Variants in DAB1 observed in about 807,000 individuals in gnomAD.
DAB1 encodes DAB adaptor protein 1.
A neutral mutation model predicts 64.6 loss-of-function variants in DAB1; 15 were observed. The ratio of observed to expected loss-of-function variants is 0.23; its 90% CI spans 0.16 to 0.36. The LOEUF (loss-of-function observed/expected upper bound fraction) is 0.36. DAB1 is among the 10% of genes least tolerant of loss of function. DAB1 has a pLI of 1.00. For missense variants in DAB1, 596 were observed against 706.7 expected (o/e 0.84, Z 1.78); for synonymous variants, 235 against 251.9 (o/e 0.93, Z 0.64).
chr1:57,276,628 A>G (rs573570832), intron 2 of DAB1, among the ~76,000 whole-genome samples: 1 of 152,314 alleles, frequency 6.6e-6, no homozygotes, highest in Admixed American at 6.5e-5. Context: ...ACGGGAGGAT[A>G]GGGTAGGATT....
At chr1:58,158,679 A>C (rs1004237835) in intron 4 of DAB1, among the ~76,000 whole-genome samples, 9 of 152,212 alleles carry the variant, frequency 5.9e-5, no homozygotes, top group African/African-American at 2.2e-4. Context: ...ACACAGTCAG[A>C]CAGAGGTCTG....
intron 12 of DAB1, among the ~76,000 whole-genome samples, chr1:57,011,905 T>G (rs1294915978): frequency 6.6e-6 from 1 of 152,202 alleles, no homozygotes; most frequent in Non-Finnish European, 1.5e-5. Flanking sequence ...TAAACACATG[T>G]TGAATAAAGA....
intron 9 of DAB1, chr1:57,033,495 G>C (rs1335834531): frequency 2.2e-5 from 36 of 1,612,642 alleles, no homozygotes; most frequent in Non-Finnish European, 2.8e-5. Flanking sequence ...ACATGAAACA[G>C]TTAACCAGAG....
At chr1:58,394,602 T>A (rs577987206) in intron 3 of DAB1, among the ~76,000 whole-genome samples, 1 of 152,316 alleles carries the variant, frequency 6.6e-6, no homozygotes, top group Non-Finnish European at 1.5e-5. Flanking sequence ...TTGCTGATAC[T>A]TGTAACAACA....
chr1:58,183,602 A>C (rs2100208427), intron 4 of DAB1, among the ~76,000 whole-genome samples: 1 of 152,064 alleles, frequency 6.6e-6, no homozygotes, highest in South Asian at 2.1e-4. Flanking sequence ...ACACACTTAA[A>C]ATCAATCCTG....
intron 7 of DAB1, among the ~76,000 whole-genome samples, chr1:57,587,043 T>C (rs1406697109): frequency 2.0e-5 from 3 of 152,220 alleles, no homozygotes; most frequent in Non-Finnish European, 2.9e-5. Flanking sequence ...CTCCTCTTTA[T>C]GCTAGAATGC....
chr1:57,507,705 A>C (rs1292497580), intron 7 of DAB1, among the ~76,000 whole-genome samples: 1 of 152,196 alleles, frequency 6.6e-6, no homozygotes, highest in Non-Finnish European at 1.5e-5. Context: ...AAGCCTCCAC[A>C]GTTCCTTTCG....
intron 2 of DAB1, among the ~76,000 whole-genome samples, chr1:57,169,828 T>A (rs1661560003): frequency 6.6e-6 from 1 of 152,076 alleles, no homozygotes; most frequent in African/African-American, 2.4e-5. Context: ...AACTGACTCC[T>A]ACCCTGCTCC....
chr1:57,273,079 C>T (rs1671143046), intron 2 of DAB1, among the ~76,000 whole-genome samples: 1 of 152,166 alleles, frequency 6.6e-6, no homozygotes, highest in Non-Finnish European at 1.5e-5. Context: ...ATTTGCACCA[C>T]CTTTTAACCC....
intron 1 of DAB1, among the ~76,000 whole-genome samples, chr1:57,310,920 T>C (rs1674646363): frequency 6.6e-6 from 1 of 151,702 alleles, no homozygotes; most frequent in Non-Finnish European, 1.5e-5. Flanking sequence ...TGTGTGAGCC[T>C]AGGAATTTGA....
At chr1:57,276,762 C>T (rs1276261604) in intron 2 of DAB1, among the ~76,000 whole-genome samples, 1 of 152,226 alleles carries the variant, frequency 6.6e-6, no homozygotes, top group African/African-American at 2.4e-5. Context: ...CTCACAACCT[C>T]TGGGAAGTCC....
intron 3 of DAB1, among the ~76,000 whole-genome samples, chr1:58,392,583 T>C (rs547071777): frequency 6.6e-6 from 1 of 151,944 alleles, no homozygotes; most frequent in Non-Finnish European, 1.5e-5. Context: ...GTCTCTCCCA[T>C]ACTAAAAAAG....
chr1:58,335,907 T>G (rs1446838184), intron 4 of DAB1, among the ~76,000 whole-genome samples: 1 of 152,182 alleles, frequency 6.6e-6, no homozygotes, highest in Non-Finnish European at 1.5e-5. Flanking sequence ...TTGGCTGCAT[T>G]ACCTACAAGG....
chr1:57,910,479 A>AT lies in DAB1; in HGVS notation n.388-26318dup, dbSNP rs201079495. 4.4e-4 allele frequency among the ~76,000 whole-genome samples: 67 copies of AT among 151,252 alleles called. No homozygotes were observed. The East Asian group carries it at 8.8e-3, about 20-fold the overall frequency. On this transcript the variant is annotated intron_variant and non_coding_transcript_variant, in intron 5 of 20. Transcript: ENST00000485760. ...CTGGCAAGCACATACTTTCTTTTCT[A>AT]TTTTTTTTTCCACTTTCTATTTTAA...
chr1:57,879,357 G>T (rs955220171), intron 1 of DAB1, among the ~76,000 whole-genome samples: 1 of 152,150 alleles, frequency 6.6e-6, no homozygotes, highest in African/African-American at 2.4e-5. Flanking sequence ...GCCACATGTT[G>T]AAGATGATGG....
intron 6 of DAB1, among the ~76,000 whole-genome samples, chr1:57,786,423 T>G (rs926155192): frequency 2.0e-5 from 3 of 152,184 alleles, no homozygotes; most frequent in African/African-American, 7.2e-5. Flanking sequence ...AGTCTTAATT[T>G]TAATTTAATC....
chr1:57,799,562 GAA>G (rs10718933), intron 6 of DAB1, among the ~76,000 whole-genome samples: 2,504 of 123,708 alleles, frequency 0.02, 52 homozygotes, highest in African/African-American at 0.063. Flanking sequence ...TTTGAGATGA[GAA>G]AAAAAAAAAA....
chr1:57,399,142 A>G (rs930080940), intron 1 of DAB1, among the ~76,000 whole-genome samples: 9 of 152,226 alleles, frequency 5.9e-5, no homozygotes, highest in African/African-American at 1.9e-4. Flanking sequence ...CACCATTAAC[A>G]TGATGCCAGC....
rs570379412 is a variant in DAB1 at position 57,703,050 on chromosome 1, A to G, written n.552-53385T>C. On this transcript the variant is annotated intron_variant and non_coding_transcript_variant, in intron 6 of 20. Coordinates refer to the DAB1 transcript ENST00000485760. ...TACAAAAATTAACTCAAGGTAGATT[A>G]AGAACTTAAATTTAAAACCCCAAAG... 2.0e-5 allele frequency among the ~76,000 whole-genome samples: 3 copies of G among 151,372 alleles called. No individual in the cohort carries two copies. In the South Asian group the frequency reaches 6.3e-4, roughly 32 times the overall value.
Sources: gnomAD v4.1 joint callset for allele counts (sites outside exome capture counted in the v4.1 genomes callset) on GRCh38, gnomAD v4.1.1 for gene constraint, MANE v1.5 for transcripts, NCBI Gene and HGNC (gene_info 2026-07-23, HGNC 2026-07-21) for gene names.